The following STXBP5L variants were observed in gnomAD, a reference collection of about 807,000 sequenced individuals.
STXBP5L encodes syntaxin-binding protein 5-like.
In STXBP5L, 65 loss-of-function variants were observed where a neutral mutation model predicts 144.5. The ratio of observed to expected loss-of-function variants is 0.45; its 90% CI spans 0.37 to 0.55. The LOEUF (loss-of-function observed/expected upper bound fraction) is 0.55. Ranked by LOEUF, STXBP5L falls within the 20% of genes least tolerant of loss-of-function variation. STXBP5L has a pLI of 0.00. For synonymous variants in STXBP5L, 505 were observed against 469.6 expected (o/e 1.08, Z -0.97); for missense variants, 1,298 against 1,405.5 (o/e 0.92, Z 1.22).
chr3:121,071,382 G>A (rs2041805354), intron 5 of STXBP5L, among the ~76,000 whole-genome samples: 1 of 152,210 alleles, frequency 6.6e-6, no homozygotes, highest in South Asian at 2.1e-4. Flanking sequence ...AGGGCTCAGT[G>A]TTTCCTCAAG....
chr3:121,034,372 G>A (rs776478791), intron 3 of STXBP5L, among the ~76,000 whole-genome samples: 11 of 152,068 alleles, frequency 7.2e-5, no homozygotes, highest in South Asian at 2.1e-4. Context: ...CCATCTATAA[G>A]TGAGACTGTA....
At chr3:121,008,646 G>A (rs891503006) in intron 3 of STXBP5L, among the ~76,000 whole-genome samples, 1 of 151,946 alleles carries the variant, frequency 6.6e-6, no homozygotes, top group Non-Finnish European at 1.5e-5. Context: ...GGTTTAAGAG[G>A]CTATTCCAGC....
chr3:120,984,632 C>CTTTTTTTTTTTTTTTTTTTCT (rs1942116951), intron 3 of STXBP5L, among the ~76,000 whole-genome samples: 1 of 71,960 alleles, frequency 1.4e-5, no homozygotes, highest in African/African-American at 6.1e-5. Flanking sequence ...TCTTTCTTTC[C>CTTTTTTTTTTTTTTTTTTTCT]TTTTTTTTTT....
chr3:120,972,152 C>T (rs1363890276), intron 3 of STXBP5L, among the ~76,000 whole-genome samples: 1 of 151,918 alleles, frequency 6.6e-6, no homozygotes, highest in Non-Finnish European at 1.5e-5. Flanking sequence ...TGAATATGTA[C>T]ATTGATTTGG....
At position 121,157,640 on chromosome 3, in the gene STXBP5L, C is replaced by T; in HGVS notation, c.877+13C>T. The T allele has an allele frequency of 1.3e-6, 2 of 1,593,048 alleles. No individual in the cohort carries two copies. The highest frequency in any genetic ancestry group is 1.4e-5 in the African/African-American group (1 of 73,304). ...ACAATTCCACATGGTAAGATGTATG[C>T]TTTCAAAAGGAATAAACACTGGCAA... On this transcript the variant is annotated intron_variant, in intron 9 of 26. Coordinates refer to ENST00000471454, the MANE Select transcript of STXBP5L (RefSeq NM_001308330.2).
rs377651506 is a variant in STXBP5L at position 120,929,780 on chromosome 3, TACTA to T, written c.189+20017_189+20020del. 2.6e-3 allele frequency among the ~76,000 whole-genome samples: 394 copies of T among 152,274 alleles called. 2 individuals are homozygous for T. The highest frequency in any genetic ancestry group is 8.8e-3 in the African/African-American group (368 of 41,586). ...AGCTTTCGATATTTAGAAATATTTTTACTAACTTAGTAAATGAAAAATACACTTT... is the reference window on the plus strand; with the variant it reads ...AGCTTTCGATATTTAGAAATATTTTTACTTAGTAAATGAAAAATACACTTT... On this transcript the variant is annotated intron_variant, in intron 2 of 26. Coordinates refer to ENST00000471454, the MANE Select transcript of STXBP5L (RefSeq NM_001308330.2).
chr3:121,347,869 G>A lies in STXBP5L; in HGVS notation c.2176+29329G>A, dbSNP rs569056435. On this transcript the variant is annotated intron_variant, in intron 20 of 26. Transcript: ENST00000471454. ...AAGGAGATTTTGGGTTGAGACGATG[G>A]GGTTTTCTAGATATACAGTCATGTC... Among the ~76,000 whole-genome samples the A allele has an allele frequency of 5.3e-5, 8 of 152,232 alleles. No individual in the cohort carries two copies. In the South Asian group the frequency reaches 1.7e-3, roughly 32 times the overall value.
At position 121,413,057 on chromosome 3, in the gene STXBP5L, G is replaced by T. The variant is rs145789788; in HGVS notation, c.2949-101G>T. The T allele has an allele frequency of 6.9e-4, 683 of 988,848 alleles. 9 individuals are homozygous for T. In the African/African-American group the frequency reaches 0.011, roughly 16 times the overall value. The allele number at this position is 988,848 out of a possible 1,614,324, so 61.3% of individuals were successfully genotyped here. A position where few individuals can be genotyped will look rare whatever the true frequency, so the allele number is the denominator to read the frequency against. On this transcript the variant is annotated intron_variant, in intron 23 of 26. Coordinates refer to ENST00000471454, the MANE Select transcript of STXBP5L (RefSeq NM_001308330.2). ...AAATATAAAAATAAAAAAATAAAAA[G>T]AAACAACCATAAAATAATAGAATAA...
intron 5 of STXBP5L, among the ~76,000 whole-genome samples, chr3:121,062,356 G>T (rs567581124): frequency 6.6e-6 from 1 of 152,304 alleles, no homozygotes; most frequent in Non-Finnish European, 1.5e-5. Flanking sequence ...TCTGCAGAGA[G>T]ATCTGCTGTT....
At chr3:121,081,576 A>G (rs2042250818) in intron 5 of STXBP5L, among the ~76,000 whole-genome samples, 1 of 152,194 alleles carries the variant, frequency 6.6e-6, no homozygotes, top group East Asian at 1.9e-4. Flanking sequence ...TTAGAATGGC[A>G]GGGATCTCTT....
At chr3:121,052,961 CAGAG>C (rs1426636353) in intron 5 of STXBP5L, among the ~76,000 whole-genome samples, 2 of 152,134 alleles carry the variant, frequency 1.3e-5, no homozygotes, top group Non-Finnish European at 2.9e-5. Context: ...AACAGACAAA[CAGAG>C]AGCCAAATCA....
chr3:120,991,183 C>T (rs1942824150), intron 3 of STXBP5L, among the ~76,000 whole-genome samples: 1 of 149,850 alleles, frequency 6.7e-6, no homozygotes. Flanking sequence ...TATGAACAGA[C>T]ACTTCTCAAA....
chr3:120,965,278 C>T (rs1207923105), intron 3 of STXBP5L, among the ~76,000 whole-genome samples: 2 of 152,150 alleles, frequency 1.3e-5, no homozygotes, highest in African/African-American at 4.8e-5. Flanking sequence ...AGCCCATTTA[C>T]ATTTAAGGTT....
intron 3 of STXBP5L, among the ~76,000 whole-genome samples, chr3:121,008,218 G>C (rs907302414): frequency 6.6e-6 from 1 of 151,928 alleles, no homozygotes; most frequent in Non-Finnish European, 1.5e-5. Flanking sequence ...ACCACTTTTA[G>C]TAGCAACAAC....
intron 19 of STXBP5L, among the ~76,000 whole-genome samples, chr3:121,302,862 C>A (rs1024443214): frequency 6.6e-6 from 1 of 152,142 alleles, no homozygotes; most frequent in African/African-American, 2.4e-5. Context: ...CTTCCTTACA[C>A]CTTATACAAA....
At chr3:121,275,329 C>T (rs1048791570) in intron 18 of STXBP5L, among the ~76,000 whole-genome samples, 1 of 152,098 alleles carries the variant, frequency 6.6e-6, no homozygotes, top group African/African-American at 2.4e-5. Flanking sequence ...ATTTGTAGAT[C>T]AGTTTGGGGA....
chr3:121,279,344 G>T (rs1294844104), intron 18 of STXBP5L, among the ~76,000 whole-genome samples: 1 of 151,808 alleles, frequency 6.6e-6, no homozygotes, highest in Admixed American at 6.6e-5. Flanking sequence ...GATATATGAA[G>T]TTAATTTTTA....
In STXBP5L at chr3:121,347,894, C is replaced by G. The variant is rs182615593; in HGVS notation, c.2176+29354C>G. ...GGGTTTTCTAGATATACAGTCATGT[C>G]ATCTGCAAACAGGGACAATTTGACT... is the stretch of plus-strand genomic sequence containing the variant. On this transcript the variant is annotated intron_variant, in intron 20 of 26. Transcript: ENST00000471454. 1.4e-3 allele frequency among the ~76,000 whole-genome samples: 208 copies of G among 152,310 alleles called. 1 individual carries two copies. The highest frequency in any genetic ancestry group is 4.8e-3 in the African/African-American group (200 of 41,574).
chr3:121,358,089 C>G (rs1576277707), intron 20 of STXBP5L: 1 of 152,272 alleles, frequency 6.6e-6, no homozygotes, highest in Non-Finnish European at 1.5e-5. Context: ...TATGCATCCC[C>G]TCAAGCATTT....
Sources: allele counts gnomAD v4.1 joint callset (sites outside exome capture counted in the v4.1 genomes callset), GRCh38; gene constraint gnomAD v4.1.1; transcripts MANE v1.5; gene names NCBI Gene and HGNC (gene_info 2026-07-23, HGNC 2026-07-21).